The following HSF1 variants were observed in gnomAD, a reference collection of about 807,000 sequenced individuals.
The protein encoded by HSF1 is heat shock factor protein 1.
A neutral mutation model predicts 51.7 loss-of-function variants in HSF1; 32 were observed. The ratio of observed to expected loss-of-function variants is 0.62; its 90% confidence interval spans 0.47 to 0.83. The LOEUF is 0.83. Ranked by LOEUF, HSF1 falls within the 40% of genes least tolerant of loss-of-function variation. The pLI is 0.00. For synonymous variants in HSF1, 396 were observed against 309.7 expected (o/e 1.28, Z -2.92); for missense variants, 727 against 717.0 (o/e 1.01, Z -0.16).
intron 9 of HSF1, chr8:144,312,691 G>A (rs781914440): frequency 2.2e-5 from 34 of 1,535,432 alleles, no homozygotes; most frequent in South Asian, 2.1e-4. Flanking sequence ...CTTCCTCTCC[G>A]CATGGCCAAG....
At chr8:144,298,348 G>A (rs1207887084) in intron 1 of HSF1, among the ~76,000 whole-genome samples, 1 of 151,956 alleles carries the variant, frequency 6.6e-6, no homozygotes, top group African/African-American at 2.4e-5. Flanking sequence ...TGTAATCCCA[G>A]CACTTCGGGA....
intron 9 of HSF1, chr8:144,312,662 C>T (rs1184045542): frequency 1.3e-5 from 20 of 1,535,378 alleles, no homozygotes; most frequent in African/African-American, 2.7e-5. Context: ...TAGGGTCGCC[C>T]GCCTCTTCCC....
chr8:144,311,272 G>A (rs782446201), intron 5 of HSF1, 23 bp downstream of exon 5: 76 of 1,610,870 alleles, frequency 4.7e-5, no homozygotes, highest in Middle Eastern at 1.7e-4. Flanking sequence ...CCAGAGGGCC[G>A]GCGGGGGCCC....
intron 1 of HSF1, among the ~76,000 whole-genome samples, chr8:144,303,349 G>A (rs1223946348): frequency 6.6e-6 from 1 of 152,000 alleles, no homozygotes; most frequent in African/African-American, 2.4e-5. Context: ...TAACTTAGAG[G>A]AGCTGTTGTT....
At position 144,293,534 on chromosome 8, in the gene HSF1, G is replaced by A. The variant is rs539883470; in HGVS notation, c.117+1660G>A. On this transcript the variant is annotated intron_variant, in intron 1 of 12. Coordinates refer to ENST00000528838, the MANE Select transcript of HSF1 (RefSeq NM_005526.4). ...CGGCTCACTGCGACCTCCACCTCCC[G>A]GGTTCAAGCAATTCTGCCTCAGCCT... 1.7e-4 allele frequency: 26 copies of A among 151,266 alleles called. 1 individual carries two copies. Among genetic ancestry groups the A allele is most frequent in the African/African-American group, 6.1e-4 (25 of 41,132 alleles). 9.4% of individuals were successfully genotyped at this position (151,266 alleles called of 1,614,324 possible).
In HSF1 at chr8:144,300,506, C is replaced by T. The variant is rs151081761; in HGVS notation, c.118-8400C>T. ...TGTTGGGCGCGTCAGCCACCGCGCC[C>T]GGCCTGTTGTGTACTCTTGATAGGA... On this transcript the variant is annotated intron_variant, in intron 1 of 12. Coordinates refer to ENST00000528838, the MANE Select transcript of HSF1 (RefSeq NM_005526.4). Among the ~76,000 whole-genome samples, 25 of 152,224 alleles carry T rather than the reference C, an allele frequency of 1.6e-4. No individual in the cohort carries two copies. In the East Asian group the frequency reaches 3.7e-3, roughly 22 times the overall value.
Position 144,291,861 on chromosome 8 carries a change from T to C in HSF1, c.104T>C (p.Ile35Thr), listed in dbSNP as rs782333440. The change falls in exon 1 of 13, where the codon ATC becomes ACC. Residue 35 changes from isoleucine to threonine, a missense_variant. Physicochemically the swap from Ile to Thr is moderately conservative, Grantham distance 89. This residue lies in a region of HSF1 where 257 missense variants were observed against 318.3 expected (regional missense o/e 0.81). Coordinates refer to ENST00000528838, the MANE Select transcript of HSF1 (RefSeq NM_005526.4). The surrounding 1 kb of genome is among the most constrained non-coding windows in gnomAD (Gnocchi z 4.1). ...LVSDPDTDAL[I>T]CWSPSGNSFH... ...AGCGACCCGGACACCGACGCGCTCA[T>C]CTGCTGGAGCCCGGTGAGGGCAGCG... The C allele has an allele frequency of 1.3e-6, 2 of 1,534,512 alleles. No homozygotes were observed. The highest frequency in any genetic ancestry group is 1.2e-5 in the South Asian group (1 of 84,184).
At chr8:144,296,070 G>A (rs953863283) in intron 1 of HSF1, among the ~76,000 whole-genome samples, 6 of 152,248 alleles carry the variant, frequency 3.9e-5, no homozygotes, top group Non-Finnish European at 5.9e-5. Context: ...GGCCTATCGC[G>A]GGAGAGAGTT....
rs781943872 is a variant in HSF1 at position 144,311,607 on chromosome 8, T to C, written c.723+6T>C. On this transcript the variant is annotated splice_donor_region_variant and intron_variant, in intron 7 of 12. Coordinates refer to ENST00000528838, the MANE Select transcript of HSF1 (RefSeq NM_005526.4). Reference sequence around the variant, plus strand: ...ACGGCTCGGGCCCCTACTCGGTGAGTGCCGGAGACAGGGCACCCGCCCAGG... The same window carrying C: ...ACGGCTCGGGCCCCTACTCGGTGAGCGCCGGAGACAGGGCACCCGCCCAGG... The C allele has an allele frequency of 2.4e-5, 39 of 1,612,998 alleles. No individual in the cohort carries two copies. Among genetic ancestry groups the C allele is most frequent in the Non-Finnish European group, 3.0e-5 (35 of 1,179,874 alleles).
chr8:144,314,266 A>T lies in HSF1; in HGVS notation c.1526A>T (p.Asp509Val), dbSNP rs1270749933. 1.9e-6 allele frequency: 3 copies of T among 1,550,660 alleles called. No individual in the cohort carries two copies. The highest frequency in any genetic ancestry group is 8.7e-7 in the Non-Finnish European group (1 of 1,147,210). ...TCCGAAGGGGACGGCTTCGCCGAGGACCCCACCATCTCCCTGCTGACAGGC... is the reference window on the plus strand; with the variant it reads ...TCCGAAGGGGACGGCTTCGCCGAGGTCCCCACCATCTCCCTGCTGACAGGC... ...YFSEGDGFAE[D>V]PTISLLTGSE... Residue 509 changes from aspartate (D) to valine (V), a missense_variant, in exon 13 of 13, where the codon GAC becomes GTC. By Grantham distance (152) the Asp-to-Val change is radical (BLOSUM62 -3). This residue lies in a region of HSF1 where 470 missense variants were observed against 398.8 expected (regional missense o/e 1.18). Transcript: ENST00000528838.
intron 1 of HSF1, among the ~76,000 whole-genome samples, chr8:144,301,724 G>T (rs1815886644): frequency 6.6e-6 from 1 of 152,126 alleles, no homozygotes; most frequent in South Asian, 2.1e-4. Flanking sequence ...AATTAGCCGG[G>T]CGTGGTGGCG....
At chr8:144,305,098 C>T (rs1340272491) in intron 1 of HSF1, among the ~76,000 whole-genome samples, 1 of 150,848 alleles carries the variant, frequency 6.6e-6, no homozygotes, top group Non-Finnish European at 1.5e-5. Flanking sequence ...TAGGCGCCCG[C>T]CACTGTGCCG....
At chr8:144,310,581 G>A (rs1481779152) in intron 4 of HSF1, 2 of 161,314 alleles carry the variant, frequency 1.2e-5, no homozygotes, top group African/African-American at 4.8e-5. Context: ...AGGAGCCACC[G>A]GCTTTGTGAT....
intron 1 of HSF1, among the ~76,000 whole-genome samples, chr8:144,303,882 A>T (rs575177182): frequency 5.4e-5 from 8 of 149,464 alleles, no homozygotes; most frequent in South Asian, 2.1e-4. Flanking sequence ...TATAAAAAAT[A>T]AAAAAAAAAA....
Position 144,302,071 on chromosome 8 carries a change from C to T in HSF1, c.118-6835C>T, listed in dbSNP as rs559395474. On this transcript the variant is annotated intron_variant, in intron 1 of 12. Transcript: ENST00000528838. Reference sequence around the variant, plus strand: ...ATCCCCGCTACTCGGGAGGCTGAGGCGGGAGAATCTCTGGAACCCAGGAGG... The same window carrying T: ...ATCCCCGCTACTCGGGAGGCTGAGGTGGGAGAATCTCTGGAACCCAGGAGG... Among the ~76,000 whole-genome samples, 234 of 146,420 alleles carry T rather than the reference C, an allele frequency of 1.6e-3. 1 individual carries two copies. Among genetic ancestry groups the T allele is most frequent in the African/African-American group, 2.8e-3 (110 of 39,542 alleles).
At position 144,309,810 on chromosome 8, in the gene HSF1, G is replaced by C. The variant is rs1298699979; in HGVS notation, c.402G>C (p.Gln134His). The C allele has an allele frequency of 2.5e-6, 4 of 1,613,814 alleles. No individual in the cohort carries two copies. Among genetic ancestry groups the C allele is most frequent in the Non-Finnish European group, 3.4e-6 (4 of 1,179,996 alleles). ...TLKSEDIKIR[Q>H]DSVTKLLTDV... ...AGAGTGAAGACATAAAGATCCGCCAGGACAGCGTCACCAAGCTGCTGACGG... is the reference window on the plus strand; with the variant it reads ...AGAGTGAAGACATAAAGATCCGCCACGACAGCGTCACCAAGCTGCTGACGG... Residue 134 changes from glutamine (Q) to histidine (H), a missense_variant, in exon 4 of 13, where the codon CAG becomes CAC. By Grantham distance (24) the Gln-to-His change is conservative (BLOSUM62 0). Around this residue, in one of 2 missense-constraint regions of HSF1, gnomAD observed 257 missense variants for 318.3 expected, o/e 0.81. Transcript: ENST00000528838.
rs554559975 is a variant in HSF1, at chr8:144,297,726, C to G, written c.117+5852C>G. On this transcript the variant is annotated intron_variant, in intron 1 of 12. Transcript: ENST00000528838. This position sits in a 1 kb window ranked among gnomAD's most constrained non-coding sequence, Gnocchi z 4.6. ...CCCGGAGAGGGAACAGCCGGCCAGC[C>G]GAGCCCAGGAGCCCAGATCACCGGT... Among the ~76,000 whole-genome samples the G allele has an allele frequency of 1.3e-5, 2 of 152,322 alleles. No homozygotes were observed. Among genetic ancestry groups the G allele is most frequent in the African/African-American group, 4.8e-5 (2 of 41,570 alleles).
Position 144,291,696 on chromosome 8 carries a change from T to C in HSF1, c.-62T>C. ...CCGGAAGGCTGGCGCGGCGACGGCG[T>C]TAGCCCGGCCCTCGGCCCCTCTTTG... On this transcript the variant is annotated 5_prime_UTR_variant, in exon 1 of 13. Transcript: ENST00000528838. This position sits in a 1 kb window ranked among gnomAD's most constrained non-coding sequence, Gnocchi z 4.1. The C allele has an allele frequency of 9.9e-7, 1 of 1,011,100 alleles. No individual in the cohort carries two copies. Among genetic ancestry groups the C allele is most frequent in the Non-Finnish European group, 1.4e-6 (1 of 709,254 alleles). The allele number at this position is 1,011,100 out of a possible 1,614,324, so 62.6% of individuals were successfully genotyped here.
At chr8:144,312,776 C>T (rs1305673523) in intron 9 of HSF1, 43 of 1,407,286 alleles carry the variant, frequency 3.1e-5, no homozygotes, top group East Asian at 5.0e-5. Flanking sequence ...CCCACACAGC[C>T]GTGGACCAGA....
Sources: allele counts gnomAD v4.1 joint callset (sites outside exome capture counted in the v4.1 genomes callset), GRCh38; gene constraint gnomAD v4.1.1; regional missense constraint gnomAD v4.1.1; non-coding constraint Gnocchi (gnomAD v3.1); transcripts MANE v1.5; gene names NCBI Gene and HGNC (gene_info 2026-07-23, HGNC 2026-07-21).